Variants in SNX2 observed in about 807,000 individuals in gnomAD.
SNX2 encodes the protein sorting nexin-2.
A neutral mutation model predicts 69.9 loss-of-function variants in SNX2; 25 were observed. The ratio of observed to expected loss-of-function variants is 0.36; its 90% CI spans 0.26 to 0.50. The LOEUF (loss-of-function observed/expected upper bound fraction) is 0.50. Among genes scored for constraint, SNX2 ranks in the 20% least tolerant of loss-of-function variants. The probability of loss-of-function intolerance (pLI) is 0.97; values close to 1 mark genes in which losing one functional copy is unlikely to be tolerated. For synonymous variants in SNX2, 229 were observed against 200.4 expected (o/e 1.14, Z -1.20); for missense variants, 551 against 613.3 (o/e 0.90, Z 1.07).
In SNX2 at chr5:122,831,929, A is replaced by G. The variant is rs1754299418; in HGVS notation, c.*2281A>G. 6.6e-6 allele frequency among the ~76,000 whole-genome samples: 1 copy of G among 152,170 alleles called. No individual in the cohort carries two copies. ...TTTACTAAAAGATGAGTGTGCTGGAAATTTCAAGTATTATATGAGCCTCTG... is the reference window on the plus strand; with the variant it reads ...TTTACTAAAAGATGAGTGTGCTGGAGATTTCAAGTATTATATGAGCCTCTG... On this transcript the variant is annotated 3_prime_UTR_variant, in exon 15 of 15. Transcript: ENST00000379516.
intron 6 of SNX2, among the ~76,000 whole-genome samples, chr5:122,804,745 C>G (rs1159359967): frequency 6.6e-6 from 1 of 152,144 alleles, no homozygotes; most frequent in Non-Finnish European, 1.5e-5. Flanking sequence ...CTCCATAGGC[C>G]TACCATTAAA....
At chr5:122,824,124 C>T (rs1754094440) in intron 11 of SNX2, among the ~76,000 whole-genome samples, 1 of 150,190 alleles carries the variant, frequency 6.7e-6, no homozygotes, top group Non-Finnish European at 1.5e-5. Context: ...ATGGCGTGAA[C>T]CTGGGAGTTG....
At chr5:122,789,691 A>G (rs1351486146) in intron 1 of SNX2, among the ~76,000 whole-genome samples, 1 of 152,186 alleles carries the variant, frequency 6.6e-6, no homozygotes, top group Non-Finnish European at 1.5e-5. Flanking sequence ...TGTCTGATTC[A>G]TCTGGCCATA....
intron 14 of SNX2, 153 bp downstream of exon 14, chr5:122,827,799 C>A: frequency 1.7e-6 from 1 of 588,540 alleles, no homozygotes; most frequent in Non-Finnish European, 3.0e-6. Context: ...AAAGGGTAAA[C>A]TAATCGGAAA....
rs892042954 is a variant in SNX2, at chr5:122,793,211, G to C, written c.109-2055G>C. ...TTGATAGTATTAATAGTAAAAAATTGATAAACATCTAAGTGCTTATTAACA... is the reference window on the plus strand; with the variant it reads ...TTGATAGTATTAATAGTAAAAAATTCATAAACATCTAAGTGCTTATTAACA... On this transcript the variant is annotated intron_variant, in intron 1 of 14. Coordinates refer to ENST00000379516, the MANE Select transcript of SNX2 (RefSeq NM_003100.4). 2.0e-5 allele frequency among the ~76,000 whole-genome samples: 3 copies of C among 152,216 alleles called. No individual in the cohort carries two copies. The East Asian group carries it at 5.8e-4, about 29-fold the overall frequency.
At chr5:122,804,124 C>CA (rs151096229) in intron 6 of SNX2, among the ~76,000 whole-genome samples, 30,797 of 148,430 alleles carry the variant, frequency 0.21, 3,534 homozygotes, top group East Asian at 0.46. Flanking sequence ...GACTCCGTCT[C>CA]AAAAAAAAAA....
At chr5:122,797,405 GC>G (rs1265525072) in intron 2 of SNX2, among the ~76,000 whole-genome samples, 1 of 152,142 alleles carries the variant, frequency 6.6e-6, no homozygotes, top group Non-Finnish European at 1.5e-5. Flanking sequence ...TTATGCTTTA[GC>G]TTTCATCTTA....
chr5:122,775,428 A>T, intron 1 of SNX2: 1 of 1,261,390 alleles, frequency 7.9e-7, no homozygotes, highest in Non-Finnish European at 1.0e-6. Context: ...GCGGGTGCCG[A>T]CCTAATCCTC....
intron 1 of SNX2, among the ~76,000 whole-genome samples, chr5:122,785,965 A>T (rs898963234): frequency 1.3e-5 from 2 of 152,206 alleles, no homozygotes; most frequent in African/African-American, 4.8e-5. Context: ...AAAAGTGTTG[A>T]AGTCTCCAAG....
chr5:122,775,183 T>A lies in SNX2; in HGVS notation c.80T>A (p.Leu27Gln). 1.9e-6 allele frequency: 3 copies of A among 1,591,878 alleles called. No homozygotes were observed. The highest frequency in any genetic ancestry group is 2.6e-6 in the Non-Finnish European group (3 of 1,170,856). Residue 27 changes from leucine to glutamine, a missense_variant, in exon 1 of 15, where the codon CTG becomes CAG. Leu to Gln is a moderately radical substitution (Grantham distance 113). Transcript: ENST00000379516. ...DFEDLEDGEDLFTSTVSTLES... is the reference protein window; with the variant it reads ...DFEDLEDGEDQFTSTVSTLES... ...GAGGATCTGGAGGACGGAGAGGACC[T>A]GTTCACCAGCACTGTCTCCACCCTA...
intron 1 of SNX2, among the ~76,000 whole-genome samples, chr5:122,776,725 A>G (rs1214861534): frequency 1.3e-5 from 2 of 152,178 alleles, no homozygotes; most frequent in African/African-American, 4.8e-5. Flanking sequence ...GAGAATCAGA[A>G]CAAACTTGAT....
chr5:122,793,237 CTA>C (rs1228309089), intron 1 of SNX2, among the ~76,000 whole-genome samples: 4 of 152,090 alleles, frequency 2.6e-5, no homozygotes, highest in African/African-American at 4.8e-5. Flanking sequence ...CTTATTAACA[CTA>C]GAGTGGTTCA....
At chr5:122,817,642 A>G (rs79712793) in intron 10 of SNX2, among the ~76,000 whole-genome samples, 8,747 of 152,178 alleles carry the variant, frequency 0.057, 357 homozygotes, top group Non-Finnish European at 0.089. Context: ...AAAGAAAACT[A>G]TATTTGAATT....
intron 3 of SNX2, among the ~76,000 whole-genome samples, chr5:122,801,631 A>C (rs1001742920): frequency 7.6e-6 from 1 of 131,488 alleles, no homozygotes; most frequent in Non-Finnish European, 1.6e-5. Flanking sequence ...AAAAATTGTT[A>C]CTTCTCCAAA....
chr5:122,817,324 A>G lies in SNX2; in HGVS notation c.957A>G (p.Gln319=). Residue 319 remains glutamine, a synonymous_variant, in exon 10 of 15, where the codon CAA becomes CAG. Coordinates refer to ENST00000379516, the MANE Select transcript of SNX2 (RefSeq NM_003100.4). ...KQQQFENLDQ[Q]LRKLHVSVEA... is the part of the protein sequence containing the mutation. ...AGCAATTTGAGAATCTGGATCAGCA[A>G]CTTAGGAAACTTCATGTCAGTGTTG... The G allele has an allele frequency of 6.2e-7, 1 of 1,614,026 alleles. No homozygotes were observed. Among genetic ancestry groups the G allele is most frequent in the Non-Finnish European group, 8.5e-7 (1 of 1,179,942 alleles).
chr5:122,800,074 C>T (rs17384236), intron 3 of SNX2, among the ~76,000 whole-genome samples: 2,014 of 152,230 alleles, frequency 0.013, 19 homozygotes, highest in Non-Finnish European at 0.024. Flanking sequence ...TTTGTCATTT[C>T]TGATTTTATG....
chr5:122,784,996 A>G (rs1753051583), intron 1 of SNX2, among the ~76,000 whole-genome samples: 1 of 152,182 alleles, frequency 6.6e-6, no homozygotes, highest in Non-Finnish European at 1.5e-5. Context: ...ATTTATGGGC[A>G]TACTGTTTTT....
At chr5:122,797,074 T>C (rs920175016) in intron 2 of SNX2, among the ~76,000 whole-genome samples, 6 of 152,230 alleles carry the variant, frequency 3.9e-5, no homozygotes, top group Admixed American at 6.5e-5. Flanking sequence ...ACTTCAGACA[T>C]GTGCCACTAT....
intron 11 of SNX2, among the ~76,000 whole-genome samples, chr5:122,821,537 G>T (rs987279387): frequency 1.3e-5 from 2 of 151,594 alleles, no homozygotes; most frequent in African/African-American, 4.9e-5. Flanking sequence ...CTCATTGCAG[G>T]CTCCGCCTCC....
Sources: gnomAD v4.1 joint callset for allele counts (sites outside exome capture counted in the v4.1 genomes callset) on GRCh38, gnomAD v4.1.1 for gene constraint, MANE v1.5 for transcripts, NCBI Gene and HGNC (gene_info 2026-07-23, HGNC 2026-07-21) for gene names.